The following ANKFN1 variants were observed in gnomAD, a reference collection of about 807,000 sequenced individuals.
ANKFN1 encodes the protein ankyrin repeat and fibronectin type-III domain-containing protein 1.
ANKFN1 carries 74 observed loss-of-function variants against 108.7 expected under a neutral mutation model. That is an observed-to-expected ratio of 0.68 (90% CI 0.56 to 0.83). The LOEUF (loss-of-function observed/expected upper bound fraction) is 0.83, where lower values mean the gene tolerates loss of function less well. Among genes scored for constraint, ANKFN1 ranks in the 40% least tolerant of loss-of-function variants. The pLI, the probability that ANKFN1 is intolerant of heterozygous loss-of-function variation, is 0.00. For missense variants in ANKFN1, 1,505 were observed against 1,382.3 expected, an observed-to-expected ratio of 1.09 and a Z score of -1.41; for synonymous variants, 547 against 516.2, an observed-to-expected ratio of 1.06 and a Z score of -0.81.
intron 1 of ANKFN1, among the ~76,000 whole-genome samples, chr17:56,169,902 G>A (rs1910496338): frequency 6.6e-6 from 1 of 152,110 alleles, no homozygotes; most frequent in Admixed American, 6.5e-5. Context: ...TAATCAAGTG[G>A]GTACATTGAC....
chr17:56,284,304 T>C (rs2044161911), intron 3 of ANKFN1, among the ~76,000 whole-genome samples: 1 of 152,228 alleles, frequency 6.6e-6, no homozygotes, highest in Admixed American at 6.5e-5. Context: ...TGTTACAAAT[T>C]TCATTCCTAG....
intron 8 of ANKFN1, among the ~76,000 whole-genome samples, chr17:56,407,931 C>CTTTTTTTT (rs761975892): frequency 1.2e-4 from 13 of 104,640 alleles, no homozygotes; most frequent in South Asian, 3.5e-4. Context: ...TCTTTTTTAT[C>CTTTTTTTT]TTTTTTTTTT....
chr17:56,235,417 C>A lies in ANKFN1; in HGVS notation c.53+7460C>A, dbSNP rs372626419. Among the ~76,000 whole-genome samples, 11 of 152,214 alleles carry A rather than the reference C, an allele frequency of 7.2e-5. No homozygotes were observed. The East Asian group carries it at 1.2e-3, about 16-fold the overall frequency. On this transcript the variant is annotated intron_variant, in intron 3 of 20. Coordinates refer to ENST00000682825, the MANE Select transcript of ANKFN1 (RefSeq NM_001370326.1). Reference sequence around the variant, plus strand: ...AATTACTTTTGGCATCTTCATCAGGCCATTTTTGTCCATTCCTATGTCCAC... The same window carrying A: ...AATTACTTTTGGCATCTTCATCAGGACATTTTTGTCCATTCCTATGTCCAC...
intron 4 of ANKFN1, among the ~76,000 whole-genome samples, chr17:56,070,624 T>A (rs961925816): frequency 6.6e-6 from 1 of 152,192 alleles, no homozygotes; most frequent in Non-Finnish European, 1.5e-5. Context: ...TTTATGTTTG[T>A]TCTCTTAACC....
intron 8 of ANKFN1, among the ~76,000 whole-genome samples, chr17:56,438,325 G>A (rs1350338351): frequency 6.6e-6 from 1 of 152,114 alleles, no homozygotes; most frequent in African/African-American, 2.4e-5. Context: ...AAAAGACACA[G>A]AAGCAGAAAA....
intron 3 of ANKFN1, among the ~76,000 whole-genome samples, chr17:56,306,739 T>C (rs1226302003): frequency 6.6e-6 from 1 of 152,140 alleles, no homozygotes; most frequent in Non-Finnish European, 1.5e-5. Context: ...TTAAAGTTCA[T>C]ATGGAACCAA....
chr17:56,457,644 C>A (rs1344155940), intron 13 of ANKFN1, among the ~76,000 whole-genome samples: 2 of 152,182 alleles, frequency 1.3e-5, no homozygotes, highest in Non-Finnish European at 2.9e-5. Flanking sequence ...GTTATGGGAT[C>A]ATTTGGCAAA....
chr17:56,053,114 C>T (rs1904806597), intron 4 of ANKFN1, among the ~76,000 whole-genome samples: 1 of 152,078 alleles, frequency 6.6e-6, no homozygotes, highest in South Asian at 2.1e-4. Context: ...GTACCGGATA[C>T]TTTTTGTAGG....
At chr17:56,297,244 G>A (rs1293204134) in intron 3 of ANKFN1, among the ~76,000 whole-genome samples, 1 of 152,216 alleles carries the variant, frequency 6.6e-6, no homozygotes, top group Non-Finnish European at 1.5e-5. Flanking sequence ...GGGCAGAGAG[G>A]AGCTTCGGAG....
At chr17:56,290,872 CCT>C (rs921113964) in intron 3 of ANKFN1, among the ~76,000 whole-genome samples, 1 of 152,074 alleles carries the variant, frequency 6.6e-6, no homozygotes, top group African/African-American at 2.4e-5. Flanking sequence ...TTCCTCCCCT[CCT>C]CTGAAAATTA....
chr17:56,269,005 T>C (rs903070371), intron 3 of ANKFN1, among the ~76,000 whole-genome samples: 15 of 152,206 alleles, frequency 9.9e-5, no homozygotes, highest in Non-Finnish European at 1.9e-4. Context: ...GAATGCACCT[T>C]ATTCTATCAG....
chr17:56,422,105 A>G (rs891365295), intron 8 of ANKFN1, among the ~76,000 whole-genome samples: 1 of 152,174 alleles, frequency 6.6e-6, no homozygotes, highest in Admixed American at 6.5e-5. Flanking sequence ...ATCCAAATGT[A>G]TATATAATTT....
chr17:56,056,989 C>A (rs577224764), intron 4 of ANKFN1, among the ~76,000 whole-genome samples: 1 of 152,334 alleles, frequency 6.6e-6, no homozygotes, highest in African/African-American at 2.4e-5. Context: ...GCTTTATCAA[C>A]CCAAGTTTAT....
chr17:56,230,301 A>C (rs1916636062), intron 3 of ANKFN1, among the ~76,000 whole-genome samples: 3 of 152,226 alleles, frequency 2.0e-5, no homozygotes, highest in East Asian at 3.9e-4. Context: ...TCAGTAGTAT[A>C]ATTTGGAGTA....
At chr17:56,416,186 G>A (rs1484995369) in intron 8 of ANKFN1, among the ~76,000 whole-genome samples, 2 of 152,054 alleles carry the variant, frequency 1.3e-5, no homozygotes, top group African/African-American at 2.4e-5. Context: ...CGCAAGCATA[G>A]GCAACCAAAG....
chr17:56,054,395 G>A (rs1450652200), intron 4 of ANKFN1, among the ~76,000 whole-genome samples: 3 of 152,168 alleles, frequency 2.0e-5, no homozygotes, highest in Non-Finnish European at 4.4e-5. Context: ...GGGTCGTAGA[G>A]CTAGTGAGTC....
At chr17:56,473,883 A>T (rs956792699) in intron 15 of ANKFN1, among the ~76,000 whole-genome samples, 1 of 152,182 alleles carries the variant, frequency 6.6e-6, no homozygotes, top group Non-Finnish European at 1.5e-5. Flanking sequence ...ATATAATCAC[A>T]GTGTACTCCT....
chr17:56,261,470 G>A (rs940851315), intron 3 of ANKFN1, among the ~76,000 whole-genome samples: 4 of 151,620 alleles, frequency 2.6e-5, no homozygotes, highest in Non-Finnish European at 4.4e-5. Flanking sequence ...TTATTAAGGA[G>A]TATTGTCTCA....
At chr17:56,382,082 GAT>G (rs1228482868) in intron 8 of ANKFN1, among the ~76,000 whole-genome samples, 1 of 152,136 alleles carries the variant, frequency 6.6e-6, no homozygotes, top group Non-Finnish European at 1.5e-5. Context: ...ACTAACAGCG[GAT>G]CTCTCGTTAC....
Sources: gnomAD v4.1 joint callset for allele counts (sites outside exome capture counted in the v4.1 genomes callset) on GRCh38, gnomAD v4.1.1 for gene constraint, MANE v1.5 for transcripts, NCBI Gene and HGNC (gene_info 2026-07-23, HGNC 2026-07-21) for gene names.